Variants in KDM5A observed in about 807,000 individuals in gnomAD.
The protein encoded by KDM5A is lysine-specific demethylase 5A.
A neutral mutation model predicts 193.5 loss-of-function variants in KDM5A; 42 were observed. That is an observed-to-expected ratio of 0.22 (90% CI 0.17 to 0.28). KDM5A has a LOEUF of 0.28. Among genes scored for constraint, KDM5A ranks in the 10% least tolerant of loss-of-function variants. KDM5A has a pLI of 1.00. For synonymous variants in KDM5A, 796 were observed against 718.1 expected (o/e 1.11, Z -1.73); for missense variants, 1,692 against 2,055.1 (o/e 0.82, Z 3.42).
intron 8 of KDM5A, among the ~76,000 whole-genome samples, chr12:352,850 G>A (rs1944180758): frequency 6.6e-6 from 1 of 152,166 alleles, no homozygotes; most frequent in Non-Finnish European, 1.5e-5. Flanking sequence ...CTGGAGAATA[G>A]TAAATAAGTG....
At chr12:319,255 G>A (rs1943686949) in intron 18 of KDM5A, among the ~76,000 whole-genome samples, 2 of 152,154 alleles carry the variant, frequency 1.3e-5, no homozygotes, top group Admixed American at 6.5e-5. Context: ...AATGTCAGAC[G>A]AGCAAAAGAA....
chr12:371,500 T>C (rs1032047508), intron 3 of KDM5A, among the ~76,000 whole-genome samples: 2 of 152,224 alleles, frequency 1.3e-5, no homozygotes, highest in Non-Finnish European at 2.9e-5. Context: ...AGATTCTGGA[T>C]ATTAGCCCTT....
At position 295,750 on chromosome 12, in the gene KDM5A, C is replaced by A. The variant is rs1259939015; in HGVS notation, c.4278G>T (p.Val1426=). Residue 1426 remains valine (V), a synonymous_variant, in exon 26 of 28, where the codon GTG becomes GTT. Transcript: ENST00000399788. ...PRKQPRKSPL[V]PRSLEPPVLE... is the part of the protein sequence containing the mutation. ...GCACTGGAGGTTCCAAACTTCGGGGCACCAAAGGGCTCTTCCGAGGTTGTT... is the reference window on the plus strand; with the variant it reads ...GCACTGGAGGTTCCAAACTTCGGGGAACCAAAGGGCTCTTCCGAGGTTGTT... The A allele has an allele frequency of 3.7e-6, 6 of 1,613,964 alleles. No homozygotes were observed. Among genetic ancestry groups the A allele is most frequent in the African/African-American group, 2.7e-5 (2 of 74,896 alleles).
chr12:378,562 A>G (rs991384261), intron 3 of KDM5A, among the ~76,000 whole-genome samples: 17 of 152,120 alleles, frequency 1.1e-4, no homozygotes, highest in African/African-American at 4.1e-4. Context: ...CACTATACCC[A>G]GCCAAAGCCT....
intron 24 of KDM5A, among the ~76,000 whole-genome samples, chr12:306,171 A>G (rs984476604): frequency 2.0e-5 from 3 of 151,704 alleles, no homozygotes; most frequent in Admixed American, 6.6e-5. Context: ...GGGGGTCTCA[A>G]TATGTTGCAC....
chr12:309,988 T>C, intron 21 of KDM5A, 24 bp from the exon 22 acceptor site: 1 of 1,610,474 alleles, frequency 6.2e-7, no homozygotes, highest in African/African-American at 1.3e-5. Flanking sequence ...ACCACCATTA[T>C]AAACTCTGGT....
At chr12:353,956 C>T in intron 8 of KDM5A, 120 bp downstream of exon 8, 5 of 722,146 alleles carry the variant, frequency 6.9e-6, no homozygotes, top group Non-Finnish European at 1.1e-5. Flanking sequence ...ATTTTAAACA[C>T]TACATAATGA....
At chr12:296,854 T>A (rs969241296) in intron 25 of KDM5A, among the ~76,000 whole-genome samples, 187 bp downstream of exon 25, 21 of 152,224 alleles carry the variant, frequency 1.4e-4, no homozygotes, top group African/African-American at 4.3e-4. Flanking sequence ...GTTTTCAGGT[T>A]GTGATGACAG....
At chr12:365,834 A>C in intron 4 of KDM5A, 100 bp downstream of exon 4, 1 of 1,157,302 alleles carries the variant, frequency 8.6e-7, no homozygotes, top group Middle Eastern at 2.0e-4. Context: ...TTGCTTCCCC[A>C]AATTTTGGTG....
chr12:327,586 G>A (rs921078946), intron 14 of KDM5A, among the ~76,000 whole-genome samples: 3 of 152,136 alleles, frequency 2.0e-5, no homozygotes, highest in African/African-American at 7.2e-5. Flanking sequence ...GCGCATGCCT[G>A]TAATCCCAGC....
chr12:286,207 C>T, intron 27 of KDM5A: 1 of 500,832 alleles, frequency 2.0e-6, no homozygotes, highest in Non-Finnish European at 4.1e-6. Flanking sequence ...AATACAACTC[C>T]CTATAAAAAG....
rs1327562000 is a variant in KDM5A at position 340,650 on chromosome 12, G to A, written c.1309-6228C>T. On this transcript the variant is annotated intron_variant, in intron 10 of 27. Transcript: ENST00000399788. The stretch of plus-strand genomic sequence containing the variant: ...GCAGAGGTTGCAGTGAGCTGAGATC[G>A]TGCCACTGCACTCTAGCCCAGGCAA... Among the ~76,000 whole-genome samples the A allele has an allele frequency of 6.0e-5, 8 of 133,734 alleles. No individual in the cohort carries two copies. The East Asian group carries it at 1.3e-3, about 21-fold the overall frequency. 87.7% of individuals were successfully genotyped at this position (133,734 alleles called of 152,430 possible).
In KDM5A at chr12:282,061, A is replaced by C. The variant is rs1381581402; in HGVS notation, c.*3395T>G. On this transcript the variant is annotated 3_prime_UTR_variant, in exon 28 of 28. Coordinates refer to ENST00000399788, the MANE Select transcript of KDM5A (RefSeq NM_001042603.3). The stretch of plus-strand genomic sequence containing the variant: ...TCAGCCTGCACAGAAGCGCAGAAGC[A>C]AAGCCCAGGCAGAACCATGCTAACC... 2 of 333,044 alleles carry C rather than the reference A, an allele frequency of 6.0e-6. No homozygotes were observed. Among genetic ancestry groups the C allele is most frequent in the Non-Finnish European group, 5.8e-6 (1 of 173,108 alleles). The allele number at this position is 333,044 out of a possible 1,614,324, so 20.6% of individuals were successfully genotyped here.
intron 10 of KDM5A, among the ~76,000 whole-genome samples, chr12:346,562 T>G (rs1240015125): frequency 2.6e-5 from 4 of 152,156 alleles, no homozygotes; most frequent in African/African-American, 9.6e-5. Context: ...AAGCTTATTA[T>G]TCACCACAAT....
chr12:306,549 C>T (rs1274382659), intron 24 of KDM5A, among the ~76,000 whole-genome samples: 2 of 152,036 alleles, frequency 1.3e-5, no homozygotes, highest in African/African-American at 4.8e-5. Context: ...TCAAGACCAG[C>T]CTGGCCAACA....
Position 355,008 on chromosome 12 carries a change from A to G in KDM5A, c.870+150T>C, listed in dbSNP as rs1440843102. On this transcript the variant is annotated intron_variant, in intron 7 of 27. Coordinates refer to ENST00000399788, the MANE Select transcript of KDM5A (RefSeq NM_001042603.3). ...TGTAGGACAGAGCCAGGTTAACAAC[A>G]TAAACAAAAGCTGTAACTTCACAGA... 8.7e-6 allele frequency: 6 copies of G among 686,618 alleles called. No homozygotes were observed. In the African/African-American group the frequency reaches 8.9e-5, roughly 10 times the overall value. 42.5% of individuals were successfully genotyped at this position (686,618 alleles called of 1,614,324 possible). A position where few individuals can be genotyped will look rare whatever the true frequency, so the allele number is the denominator to read the frequency against.
chr12:362,525 T>C (rs757906496), intron 5 of KDM5A, among the ~76,000 whole-genome samples: 5 of 152,114 alleles, frequency 3.3e-5, no homozygotes, highest in South Asian at 2.1e-4. Flanking sequence ...CTGCTAACCA[T>C]AAAAATAAAA....
rs1943144489 is a variant in KDM5A, at chr12:280,532, T to TC, written c.*4923dup. 2.1e-5 allele frequency: 5 copies of TC among 232,972 alleles called. No homozygotes were observed. Among genetic ancestry groups the TC allele is most frequent in the Non-Finnish European group, 3.4e-5 (4 of 117,980 alleles). 14.4% of individuals were successfully genotyped at this position (232,972 alleles called of 1,614,324 possible). On this transcript the variant is annotated 3_prime_UTR_variant, in exon 28 of 28. Coordinates refer to ENST00000399788, the MANE Select transcript of KDM5A (RefSeq NM_001042603.3). ...CACATTTCATGAAACTGAGGCCAAG[T>TC]CCACTGCAAGCAGAGTCTTAACATT...
intron 4 of KDM5A, among the ~76,000 whole-genome samples, chr12:363,908 A>C (rs1220411216): frequency 6.6e-6 from 1 of 152,230 alleles, no homozygotes; most frequent in Non-Finnish European, 1.5e-5. Context: ...TAAGACAAAC[A>C]ACCCAATTAA....
Sources: allele counts gnomAD v4.1 joint callset (sites outside exome capture counted in the v4.1 genomes callset), GRCh38; gene constraint gnomAD v4.1.1; transcripts MANE v1.5; gene names NCBI Gene and HGNC (gene_info 2026-07-23, HGNC 2026-07-21).